Variants in GPHN observed in about 807,000 individuals in gnomAD.
GPHN encodes the protein gephyrin.
Under a neutral mutation model 95.5 loss-of-function variants are expected in GPHN, and 17 were observed. The observed-to-expected ratio is 0.18, with a 90% CI of 0.12 to 0.27. The LOEUF is 0.27. GPHN is among the 10% of genes least tolerant of loss of function. The pLI is 1.00. For missense variants in GPHN, 660 were observed against 978.1 expected (o/e 0.67, Z 4.34); for synonymous variants, 320 against 322.5 (o/e 0.99, Z 0.08).
At chr14:67,595,234 G>C in the GPHN span, among the ~76,000 whole-genome samples, 1 of 152,194 alleles carries the variant, frequency 6.6e-6, no homozygotes, top group Non-Finnish European at 1.5e-5. Context: ...GTAACGTGTG[G>C]TAAATCTCAT....
At chr14:67,485,644 C>T in the GPHN span, among the ~76,000 whole-genome samples, 1 of 152,176 alleles carries the variant, frequency 6.6e-6, no homozygotes, top group African/African-American at 2.4e-5. Context: ...GGCTACGGGC[C>T]CTGCACAGAC....
At chr14:66,629,688 C>T (rs2063710172) in intron 1 of GPHN, among the ~76,000 whole-genome samples, 1 of 152,090 alleles carries the variant, frequency 6.6e-6, no homozygotes, top group South Asian at 2.1e-4. Flanking sequence ...CCAGCATCAC[C>T]ACAGTCATGT....
intron 9 of GPHN, among the ~76,000 whole-genome samples, chr14:67,005,525 T>G (rs1251434339): frequency 6.6e-6 from 1 of 151,968 alleles, no homozygotes. Flanking sequence ...AAATTCAACT[T>G]GTATAGTTAC....
intron 21 of GPHN, among the ~76,000 whole-genome samples, chr14:67,169,715 G>A (rs551566310): frequency 6.6e-6 from 1 of 152,334 alleles, no homozygotes; most frequent in Admixed American, 6.5e-5. Flanking sequence ...CTTTCCAAGT[G>A]TTCCGAAGTA....
At position 66,601,870 on chromosome 14, in the gene GPHN, C is replaced by T. The variant is rs112427452; in HGVS notation, c.65-79237C>T. Among the ~76,000 whole-genome samples the T allele has an allele frequency of 3.6e-3, 551 of 152,026 alleles. 11 individuals are homozygous for T. The highest frequency in any genetic ancestry group is 0.013 in the African/African-American group (525 of 41,536). On this transcript the variant is annotated intron_variant, in intron 1 of 22. Coordinates refer to ENST00000478722, the MANE Select transcript of GPHN (RefSeq NM_020806.5). ...ATGTTTTTCAATGCATCTCATTAGC[C>T]ATACCTCTTAACTGCATTGTAAAAA...
chr14:66,837,135 A>G (rs2061859449), intron 4 of GPHN, among the ~76,000 whole-genome samples: 1 of 151,586 alleles, frequency 6.6e-6, no homozygotes, highest in Admixed American at 6.6e-5. Flanking sequence ...CTATAAAGAC[A>G]CATGCACACG....
chr14:67,021,780 A>G (rs187560005), intron 9 of GPHN, among the ~76,000 whole-genome samples: 1 of 152,080 alleles, frequency 6.6e-6, no homozygotes, highest in Non-Finnish European at 1.5e-5. Flanking sequence ...GGGCTTAAAG[A>G]TGAACTCTGG....
the GPHN span, among the ~76,000 whole-genome samples, chr14:67,300,053 T>C: frequency 2.6e-5 from 4 of 152,172 alleles, no homozygotes; most frequent in South Asian, 2.1e-4. Flanking sequence ...CTTAAAGCCT[T>C]GTCCATTGTA....
At chr14:67,528,270 C>T in the GPHN span, among the ~76,000 whole-genome samples, 1 of 152,122 alleles carries the variant, frequency 6.6e-6, no homozygotes, top group South Asian at 2.1e-4. Flanking sequence ...GAAGTTGAAC[C>T]CCACTGTCAG....
chr14:67,327,299 A>G, the GPHN span, among the ~76,000 whole-genome samples: 1 of 152,130 alleles, frequency 6.6e-6, no homozygotes, highest in Non-Finnish European at 1.5e-5. Flanking sequence ...TGCCGGATCA[A>G]GTGAGGTAAA....
chr14:67,349,202 A>G, the GPHN span: 1 of 1,144,806 alleles, frequency 8.7e-7, no homozygotes, highest in South Asian at 1.4e-5. Flanking sequence ...ACCAAGAGTG[A>G]GATGTCACAA....
At chr14:66,628,575 G>A (rs369273658) in intron 1 of GPHN, among the ~76,000 whole-genome samples, 18 of 152,032 alleles carry the variant, frequency 1.2e-4, no homozygotes, top group African/African-American at 4.3e-4. Flanking sequence ...AATGGTGAAG[G>A]CCTAGGACTT....
chr14:67,358,629 G>GT, the GPHN span, among the ~76,000 whole-genome samples: 8 of 152,206 alleles, frequency 5.3e-5, no homozygotes, highest in Non-Finnish European at 1.0e-4. Flanking sequence ...GAGCCCAGGG[G>GT]TTTGAGGCTG....
At chr14:67,086,595 T>G (rs1427841115) in intron 11 of GPHN, among the ~76,000 whole-genome samples, 1 of 145,178 alleles carries the variant, frequency 6.9e-6, no homozygotes, top group African/African-American at 2.6e-5. Flanking sequence ...GAGCCTGCAG[T>G]GAGCCGAGAT....
the GPHN span, chr14:67,336,681 CAA>C: frequency 2.2e-6 from 1 of 455,126 alleles, no homozygotes; most frequent in Admixed American, 2.4e-5. Flanking sequence ...TTTGACTTGT[CAA>C]AGTCTCAATT....
intron 8 of GPHN, among the ~76,000 whole-genome samples, chr14:66,937,358 G>A (rs2067181309): frequency 1.3e-5 from 2 of 151,600 alleles, no homozygotes; most frequent in South Asian, 4.2e-4. Flanking sequence ...ATTAGGTTTG[G>A]GCTGATTCGT....
chr14:67,599,374 A>T, the GPHN span, among the ~76,000 whole-genome samples: 2 of 152,232 alleles, frequency 1.3e-5, no homozygotes, highest in African/African-American at 2.4e-5. Context: ...GATGTAGAAA[A>T]TTGAGGCTCA....
chr14:66,935,654 G>T (rs561420756), intron 8 of GPHN, among the ~76,000 whole-genome samples: 1 of 151,528 alleles, frequency 6.6e-6, no homozygotes, highest in Non-Finnish European at 1.5e-5. Context: ...ATGTGTATAC[G>T]TGTGTTTATG....
the GPHN span, chr14:67,442,046 TAGA>T: frequency 9.4e-4 from 145 of 153,466 alleles, no homozygotes; most frequent in Non-Finnish European, 1.4e-3. Flanking sequence ...CTTTTAAAAT[TAGA>T]AGAAGATGAC....
Sources: allele counts gnomAD v4.1 joint callset (sites outside exome capture counted in the v4.1 genomes callset), GRCh38; gene constraint gnomAD v4.1.1; transcripts MANE v1.5; gene names NCBI Gene and HGNC (gene_info 2026-07-23, HGNC 2026-07-21).